Variants in LAMTOR4 observed in about 807,000 individuals in gnomAD.
LAMTOR4 encodes the protein ragulator complex protein LAMTOR4.
Under a neutral mutation model 13.5 loss-of-function variants are expected in LAMTOR4, and 11 were observed. The ratio of observed to expected loss-of-function variants is 0.82; its 90% CI spans 0.51 to 1.35. The LOEUF is 1.35. LAMTOR4 is among the 40% of genes most tolerant of loss of function. LAMTOR4 has a pLI of 0.00. For synonymous variants in LAMTOR4, 69 were observed against 52.3 expected (o/e 1.32, Z -1.38); for missense variants, 128 against 126.2 (o/e 1.01, Z -0.07).
intron 1 of LAMTOR4, 97 bp from the exon 2 acceptor site, chr7:100,149,402 G>T: frequency 1.2e-6 from 1 of 834,424 alleles, no homozygotes. Context: ...AAAACCTGGG[G>T]CCATCGTCAA....
At chr7:100,150,834 AC>A (rs1798677209) in intron 2 of LAMTOR4, among the ~76,000 whole-genome samples, 1 of 151,796 alleles carries the variant, frequency 6.6e-6, no homozygotes, top group African/African-American at 2.4e-5. Context: ...AAATACAAAA[AC>A]AAAATTAGCC....
intron 2 of LAMTOR4, among the ~76,000 whole-genome samples, chr7:100,151,532 GCGCC>G (rs1198028328): frequency 1.3e-5 from 2 of 151,934 alleles, no homozygotes; most frequent in Non-Finnish European, 2.9e-5. Flanking sequence ...GGGACTACAG[GCGCC>G]CGCCACCATG....
intron 1 of LAMTOR4, 144 bp from the exon 2 acceptor site, chr7:100,149,355 G>A: frequency 1.4e-6 from 1 of 701,422 alleles, no homozygotes; most frequent in Non-Finnish European, 2.6e-6. Flanking sequence ...CCATGTAGGG[G>A]GGAGGGGGCC....
chr7:100,150,789 T>G (rs754607237), intron 2 of LAMTOR4, among the ~76,000 whole-genome samples: 1 of 151,682 alleles, frequency 6.6e-6, no homozygotes, highest in Non-Finnish European at 1.5e-5. Context: ...ATCGAGACCA[T>G]CCTGGCCAAC....
At chr7:100,153,544 G>T (rs1175963389) in intron 3 of LAMTOR4, 27 bp downstream of exon 3, 1 of 1,579,318 alleles carries the variant, frequency 6.3e-7, no homozygotes, top group Admixed American at 1.7e-5. Flanking sequence ...GCCCTTGGTG[G>T]TGGTACTGGG....
chr7:100,149,579 G>A lies in LAMTOR4; in HGVS notation c.84G>A (p.Ala28=), dbSNP rs771408074. The change falls in exon 2 of 4, where the codon GCG becomes GCA. Residue 28 remains alanine (A), a splice_region_variant and synonymous_variant. Coordinates refer to ENST00000341942, the MANE Select transcript of LAMTOR4 (RefSeq NM_001008395.4). ...YLVLSEGAVL[A]SSGDLENDEQ... ...TACTGAGTGAAGGTGCAGTGCTGGC[G>A]GTGCGTTCTGGGAAAGGGAGGGGGT... The A allele has an allele frequency of 1.2e-6, 2 of 1,613,048 alleles. No individual in the cohort carries two copies. Among genetic ancestry groups the A allele is most frequent in the South Asian group, 1.1e-5 (1 of 91,064 alleles).
intron 2 of LAMTOR4, among the ~76,000 whole-genome samples, chr7:100,151,676 C>T (rs918999175): frequency 4.0e-5 from 6 of 151,744 alleles, no homozygotes; most frequent in Non-Finnish European, 8.8e-5. Flanking sequence ...GTGTGAGCCA[C>T]AGCACCCCGT....
Position 100,153,393 on chromosome 7 carries a change from C to T in LAMTOR4, c.85-7C>T, listed in dbSNP as rs747293999. ...CCCGCCCCTCTCCCTCCTCCGTCTGCATGCAGTCATCTGGGGACCTGGAGA... is the reference window on the plus strand; with the variant it reads ...CCCGCCCCTCTCCCTCCTCCGTCTGTATGCAGTCATCTGGGGACCTGGAGA... On this transcript the variant is annotated splice_region_variant and splice_polypyrimidine_tract_variant and intron_variant, in intron 2 of 3. Coordinates refer to ENST00000341942, the MANE Select transcript of LAMTOR4 (RefSeq NM_001008395.4). The T allele has an allele frequency of 6.3e-7, 1 of 1,595,390 alleles. No homozygotes were observed. Among genetic ancestry groups the T allele is most frequent in the African/African-American group, 1.3e-5 (1 of 74,736 alleles).
Position 100,149,491 on chromosome 7 carries a change from C to A in LAMTOR4, c.4-8C>A, listed in dbSNP as rs1327772386. On this transcript the variant is annotated splice_region_variant and splice_polypyrimidine_tract_variant and intron_variant, in intron 1 of 3. Coordinates refer to ENST00000341942, the MANE Select transcript of LAMTOR4 (RefSeq NM_001008395.4). ...ATGCTTCTCACGACTTGCATCTTTA[C>A]CCACTAGACTTCTGCGCTGACCCAG... 1.2e-6 allele frequency: 2 copies of A among 1,602,944 alleles called. No individual in the cohort carries two copies. The highest frequency in any genetic ancestry group is 1.7e-6 in the Non-Finnish European group (2 of 1,169,906).
intron 2 of LAMTOR4, 70 bp downstream of exon 2, chr7:100,149,649 T>C (rs1798640674): frequency 7.6e-6 from 9 of 1,180,976 alleles, no homozygotes; most frequent in Non-Finnish European, 1.0e-5. Context: ...TATTGGCCCT[T>C]CTTTTCTCGG....
At position 100,154,135 on chromosome 7, in the gene LAMTOR4, G is replaced by C; in HGVS notation, c.*171G>C. 1 of 599,218 alleles carries C rather than the reference G, an allele frequency of 1.7e-6. No individual in the cohort carries two copies. Among genetic ancestry groups the C allele is most frequent in the Non-Finnish European group, 3.0e-6 (1 of 331,978 alleles). The allele number at this position is 599,218 out of a possible 1,614,324, so 37.1% of individuals were successfully genotyped here. ...TGGGGACTCTGAGCTGTGTTAAGGA[G>C]AACAAGGGCAAGGAGACCTCCCTTT... On this transcript the variant is annotated 3_prime_UTR_variant, in exon 4 of 4. Coordinates refer to ENST00000341942, the MANE Select transcript of LAMTOR4 (RefSeq NM_001008395.4).
At chr7:100,149,101 G>A in intron 1 of LAMTOR4, 126 bp downstream of exon 1, 1 of 1,278,364 alleles carries the variant, frequency 7.8e-7, no homozygotes, top group Non-Finnish European at 1.1e-6. Context: ...GGGAGGAAGA[G>A]GGGATGGAAA....
intron 2 of LAMTOR4, 99 bp downstream of exon 2, chr7:100,149,678 C>A: frequency 1.1e-6 from 1 of 903,542 alleles, no homozygotes; most frequent in Non-Finnish European, 1.8e-6. Flanking sequence ...TGGTTTCCTG[C>A]CTGGCATCTA....
intron 2 of LAMTOR4, among the ~76,000 whole-genome samples, chr7:100,152,208 G>A (rs964288649): frequency 2.6e-5 from 4 of 152,048 alleles, no homozygotes; most frequent in East Asian, 1.9e-4. Context: ...TTGGGAGTTC[G>A]AGAGCACCCT....
intron 2 of LAMTOR4, among the ~76,000 whole-genome samples, chr7:100,151,760 G>A (rs898570008): frequency 1.3e-5 from 2 of 150,922 alleles, no homozygotes; most frequent in Non-Finnish European, 3.0e-5. Context: ...CAGTGGTAAC[G>A]ATCACATCTC....
Position 100,148,955 on chromosome 7 carries a change from C to A in LAMTOR4, c.-18C>A. The A allele has an allele frequency of 6.2e-7, 1 of 1,612,260 alleles. No individual in the cohort carries two copies. Among genetic ancestry groups the A allele is most frequent in the South Asian group, 1.1e-5 (1 of 91,076 alleles). ...GCTACCTATCTGGTAGGGAGCTCCC[C>A]CAGCACCGAAGACTGCGATGGTGAG... is the stretch of plus-strand genomic sequence containing the variant. On this transcript the variant is annotated 5_prime_UTR_variant, in exon 1 of 4. Coordinates refer to ENST00000341942, the MANE Select transcript of LAMTOR4 (RefSeq NM_001008395.4).
intron 1 of LAMTOR4, chr7:100,149,197 C>A: frequency 1.6e-6 from 1 of 633,006 alleles, no homozygotes; most frequent in East Asian, 2.8e-5. Context: ...CGGGCGGAGA[C>A]GAAGGGAGGT....
intron 2 of LAMTOR4, 48 bp from the exon 3 acceptor site, chr7:100,153,352 A>C (rs1798766826): frequency 1.5e-6 from 2 of 1,326,308 alleles, no homozygotes; most frequent in African/African-American, 2.9e-5. Context: ...TTCCTTCCTG[A>C]GCCTGTGCCG....
At chr7:100,153,735 G>C (rs1231321182) in intron 3 of LAMTOR4, 132 bp from the exon 4 acceptor site, 8 of 772,144 alleles carry the variant, frequency 1.0e-5, no homozygotes, top group African/African-American at 1.7e-5. Flanking sequence ...TCTGAGCCTG[G>C]AACTATAGAA....
Sources: gnomAD v4.1 joint callset for allele counts (sites outside exome capture counted in the v4.1 genomes callset) on GRCh38, gnomAD v4.1.1 for gene constraint, MANE v1.5 for transcripts, NCBI Gene and HGNC (gene_info 2026-07-23, HGNC 2026-07-21) for gene names.